The following CDH22 variants were observed in gnomAD, a reference collection of about 807,000 sequenced individuals.
The protein encoded by CDH22 is cadherin 22, also known as cadherin-22.
A neutral mutation model predicts 58.4 loss-of-function variants in CDH22; 30 were observed. That is an observed-to-expected ratio of 0.51 (90% CI 0.38 to 0.70). The LOEUF is 0.70. Ranked by LOEUF, CDH22 falls within the 30% of genes least tolerant of loss-of-function variation. The pLI is 0.00. For synonymous variants in CDH22, 513 were observed against 558.2 expected (o/e 0.92, Z 1.14); for missense variants, 1,014 against 1,233.9 (o/e 0.82, Z 2.67).
chr20:46,236,161 C>G (rs1314176768), intron 3 of CDH22, among the ~76,000 whole-genome samples: 1 of 152,098 alleles, frequency 6.6e-6, no homozygotes, highest in African/African-American at 2.4e-5. Context: ...TCCATGCCAG[C>G]AGCATTAGGG....
chr20:46,199,703 G>A (rs2085940810), intron 7 of CDH22, 144 bp from the exon 8 acceptor site: 1 of 1,014,250 alleles, frequency 9.9e-7, no homozygotes, highest in East Asian at 2.7e-5. Flanking sequence ...GACCGAGGAG[G>A]AGCGGGAAGC....
chr20:46,233,289 C>T (rs992128443), intron 3 of CDH22, among the ~76,000 whole-genome samples: 1 of 152,146 alleles, frequency 6.6e-6, no homozygotes, highest in Admixed American at 6.5e-5. Flanking sequence ...CATGGACTTG[C>T]CCATCCAGGC....
At chr20:46,206,927 G>A (rs370823375) in intron 7 of CDH22, among the ~76,000 whole-genome samples, 159 of 152,154 alleles carry the variant, frequency 1.0e-3, no homozygotes, top group Non-Finnish European at 2.0e-3. Flanking sequence ...CCCTTAGAGC[G>A]AGCTGGACTC....
chr20:46,270,514 G>A lies in CDH22; in HGVS notation c.-399-18821C>T, dbSNP rs536030864. Among the ~76,000 whole-genome samples the A allele has an allele frequency of 3.9e-5, 6 of 152,184 alleles. No homozygotes were observed. The South Asian group carries it at 1.2e-3, about 32-fold the overall frequency. ...TCCGGTCTCGGGCTGGAACAAGAAAGGGGGGCGAGACTGGCACCTTGTTCA... is the reference window on the plus strand; with the variant it reads ...TCCGGTCTCGGGCTGGAACAAGAAAAGGGGGCGAGACTGGCACCTTGTTCA... On this transcript the variant is annotated intron_variant, in intron 1 of 11. Coordinates refer to ENST00000537909, the MANE Select transcript of CDH22 (RefSeq NM_021248.3).
chr20:46,200,075 G>A (rs2085945507), intron 7 of CDH22, among the ~76,000 whole-genome samples: 1 of 152,130 alleles, frequency 6.6e-6, no homozygotes, highest in African/African-American at 2.4e-5. Flanking sequence ...CCGGGTTCAC[G>A]CCATTCTCCT....
chr20:46,184,095 C>A (rs1158151143), intron 10 of CDH22, among the ~76,000 whole-genome samples: 1 of 150,106 alleles, frequency 6.7e-6, no homozygotes, highest in Non-Finnish European at 1.5e-5. Context: ...ACCCTGCTTT[C>A]TCTCTCTCTT....
At chr20:46,207,308 G>A (rs1273416098) in intron 7 of CDH22, among the ~76,000 whole-genome samples, 1 of 152,212 alleles carries the variant, frequency 6.6e-6, no homozygotes, top group East Asian at 1.9e-4. Context: ...CTGAGAGGGG[G>A]TGTGGAGAGT....
At chr20:46,215,956 C>A (rs1025009561) in intron 5 of CDH22, among the ~76,000 whole-genome samples, 1 of 152,122 alleles carries the variant, frequency 6.6e-6, no homozygotes, top group East Asian at 1.9e-4. Flanking sequence ...TCACTCCGCT[C>A]TGTGTCTGAG....
intron 1 of CDH22, among the ~76,000 whole-genome samples, chr20:46,298,713 C>T (rs1013646536): frequency 3.3e-5 from 5 of 152,042 alleles, no homozygotes; most frequent in African/African-American, 1.2e-4. Context: ...GGGATGCTGG[C>T]TGGATGAATA....
At chr20:46,193,458 G>A (rs1036456485) in intron 8 of CDH22, among the ~76,000 whole-genome samples, 1 of 151,988 alleles carries the variant, frequency 6.6e-6, no homozygotes, top group Non-Finnish European at 1.5e-5. Flanking sequence ...ATGTTCCCCC[G>A]ACTCCATGTT....
chr20:46,274,816 T>G (rs2086509271), intron 1 of CDH22, among the ~76,000 whole-genome samples: 1 of 128,776 alleles, frequency 7.8e-6, no homozygotes, highest in Admixed American at 8.8e-5. Context: ...TGCAATGAAA[T>G]GAGCCAGATG....
chr20:46,302,013 T>C (rs2086654609), intron 1 of CDH22, among the ~76,000 whole-genome samples: 1 of 152,166 alleles, frequency 6.6e-6, no homozygotes, highest in African/African-American at 2.4e-5. Flanking sequence ...GGTCCAGCTC[T>C]CTGGGGAGGG....
intron 1 of CDH22, among the ~76,000 whole-genome samples, chr20:46,258,674 C>T (rs1170263252): frequency 6.6e-6 from 1 of 152,200 alleles, no homozygotes; most frequent in East Asian, 1.9e-4. Context: ...CTGGGTGTGC[C>T]CCCTGCCTCC....
intron 1 of CDH22, among the ~76,000 whole-genome samples, chr20:46,264,251 T>C (rs1180317529): frequency 6.6e-6 from 1 of 152,142 alleles, no homozygotes; most frequent in Non-Finnish European, 1.5e-5. Context: ...ATGAGAAGGC[T>C]AGGCAAAGGG....
At chr20:46,289,370 C>T (rs1041456071) in intron 1 of CDH22, among the ~76,000 whole-genome samples, 1 of 152,198 alleles carries the variant, frequency 6.6e-6, no homozygotes, top group African/African-American at 2.4e-5. Context: ...TAAATGGATG[C>T]CTCCTTTCTC....
At chr20:46,236,374 G>A (rs1286500507) in intron 3 of CDH22, among the ~76,000 whole-genome samples, 1 of 150,946 alleles carries the variant, frequency 6.6e-6, no homozygotes, top group Non-Finnish European at 1.5e-5. Context: ...CAGAAAGACA[G>A]GACTTCCCTG....
chr20:46,210,034 C>G lies in CDH22; in HGVS notation c.1286+273G>C, dbSNP rs2086029011. The G allele has an allele frequency of 5.3e-6, 2 of 378,806 alleles. No individual in the cohort carries two copies. Among genetic ancestry groups the G allele is most frequent in the African/African-American group, 4.2e-5 (2 of 47,438 alleles). The allele number at this position is 378,806 out of a possible 1,614,324, so 23.5% of individuals were successfully genotyped here. The stretch of plus-strand genomic sequence containing the variant: ...GCGCGGAGACCCCGCCAGTGCAGTG[C>G]CCGCCTCTGTGTCTGTCCCTCCTGG... On this transcript the variant is annotated intron_variant, in intron 7 of 11. Transcript: ENST00000537909. This position sits in a 1 kb window ranked among gnomAD's most constrained non-coding sequence, Gnocchi z 4.5.
At position 46,210,059 on chromosome 20, in the gene CDH22, G is replaced by A. The variant is rs970500309; in HGVS notation, c.1286+248C>T. ...CCCGCCTCTGTGTCTGTCCCTCCTG[G>A]TTCTCTCCCTTATTGGCCTGGCTCG... On this transcript the variant is annotated intron_variant, in intron 7 of 11. Transcript: ENST00000537909. The surrounding 1 kb of genome is among the most constrained non-coding windows in gnomAD (Gnocchi z 4.5). 125 of 415,984 alleles carry A rather than the reference G, an allele frequency of 3.0e-4. No homozygotes were observed. The highest frequency in any genetic ancestry group is 2.4e-3 in the African/African-American group (117 of 48,096). 25.8% of individuals were successfully genotyped at this position (415,984 alleles called of 1,614,324 possible).
intron 1 of CDH22, among the ~76,000 whole-genome samples, chr20:46,265,574 C>G (rs1276227584): frequency 2.0e-5 from 3 of 152,114 alleles, no homozygotes; most frequent in Non-Finnish European, 4.4e-5. Context: ...TTGTTTGTCT[C>G]CCAACTATGC....
Sources: gnomAD v4.1 joint callset for allele counts (sites outside exome capture counted in the v4.1 genomes callset) on GRCh38, gnomAD v4.1.1 for gene constraint, Gnocchi (gnomAD v3.1) non-coding constraint, MANE v1.5 for transcripts, NCBI Gene and HGNC (gene_info 2026-07-23, HGNC 2026-07-21) for gene names.